The following DHX29 variants were observed in gnomAD, a reference collection of about 807,000 sequenced individuals.
The protein encoded by DHX29 is ATP-dependent RNA helicase DHX29.
DHX29 carries 79 observed loss-of-function variants against 167.9 expected under a neutral mutation model. That is an observed-to-expected ratio of 0.47 (90% CI 0.39 to 0.57). DHX29 has a LOEUF of 0.57. DHX29 is among the 20% of genes least tolerant of loss of function. The pLI, the probability that DHX29 is intolerant of heterozygous loss-of-function variation, is 0.00. For missense variants in DHX29, 1,347 were observed against 1,593.4 expected, an observed-to-expected ratio of 0.85 and a Z score of 2.63; for synonymous variants, 530 against 546.0, an observed-to-expected ratio of 0.97 and a Z score of 0.41.
At chr5:55,266,465 A>G (rs1298077021) in intron 23 of DHX29, among the ~76,000 whole-genome samples, 2 of 149,482 alleles carry the variant, frequency 1.3e-5, no homozygotes, top group African/African-American at 2.5e-5. Flanking sequence ...ATGCGCCACC[A>G]CACCTGGCTA....
intron 8 of DHX29, among the ~76,000 whole-genome samples, chr5:55,287,730 C>T (rs1303702101): frequency 6.6e-6 from 1 of 151,922 alleles, no homozygotes; most frequent in Admixed American, 6.6e-5. Flanking sequence ...GGGCAGATCA[C>T]CCGAAGTCAG....
chr5:55,274,693 A>C lies in DHX29; in HGVS notation c.2611T>G (p.Leu871Val). 6.3e-7 allele frequency: 1 copy of C among 1,599,550 alleles called. No individual in the cohort carries two copies. Among genetic ancestry groups the C allele is most frequent in the Non-Finnish European group, 8.5e-7 (1 of 1,175,506 alleles). ...PQFRNIEGAV[L>V]IFLPGLAHIQ... ...TGAGCAAGTCCTGGTAAAAAGATCA[A>C]TACTGCTCCTTCAATATTTCTGAAT... Residue 871 changes from leucine to valine, a missense_variant, in exon 16 of 27, where the codon TTG becomes GTG. Leu to Val is a conservative substitution (Grantham distance 32, BLOSUM62 1). Transcript: ENST00000251636.
chr5:55,298,166 AG>A (rs1397459430), intron 2 of DHX29, among the ~76,000 whole-genome samples: 1 of 152,182 alleles, frequency 6.6e-6, no homozygotes, highest in Non-Finnish European at 1.5e-5. Flanking sequence ...GAGGTCACAG[AG>A]GTGACAAATA....
At chr5:55,289,467 T>TA (rs1421952173) in intron 7 of DHX29, 39 bp from the exon 8 acceptor site, 7 of 1,437,008 alleles carry the variant, frequency 4.9e-6, no homozygotes, top group Non-Finnish European at 6.4e-6. Context: ...TTCATGGTTT[T>TA]AAAAAAATTG....
chr5:55,283,558 G>A lies in DHX29; in HGVS notation c.1610C>T (p.Ser537Phe). 6.2e-7 allele frequency: 1 copy of A among 1,614,160 alleles called. No homozygotes were observed. The highest frequency in any genetic ancestry group is 8.5e-7 in the Non-Finnish European group (1 of 1,180,026). Residue 537 changes from serine (S) to phenylalanine (F), a missense_variant, in exon 11 of 27, where the codon TCC (serine) becomes TTC (phenylalanine). By Grantham distance (155) the Ser-to-Phe change is radical. Around this residue, in one of 3 missense-constraint regions of DHX29, gnomAD observed 882 missense variants for 1,082.4 expected, o/e 0.81. Transcript: ENST00000251636. ...ATCTTCCACATTTGCTGATTCCAAG[G>A]ACAGTGCAGAAAAATCCTCATCCGA... The part of the protein sequence containing the change: ...LVSDEDFSAL[S>F]LESANVEDLE...
chr5:55,278,248 G>A (rs1423915570), intron 12 of DHX29, among the ~76,000 whole-genome samples: 3 of 152,128 alleles, frequency 2.0e-5, no homozygotes, highest in African/African-American at 7.2e-5. Flanking sequence ...ACAGATTTAA[G>A]GTAGCACAAA....
chr5:55,269,464 C>G lies in DHX29; in HGVS notation c.3243G>C (p.Lys1081Asn). ...QHLAALPVNVKIGKMLIFGAI... is the reference protein window; with the variant it reads ...QHLAALPVNVNIGKMLIFGAI... ...CACCAAAAATAAGCATCTTGCCAAT[C>G]TTGACATTCACAGGTAAAGCTGCAA... The change falls in exon 21 of 27, where the codon AAG (lysine) becomes AAC (asparagine). Residue 1081 changes from lysine to asparagine, a missense_variant. Lys to Asn is a moderately conservative substitution (Grantham distance 94). Transcript: ENST00000251636. 6 of 1,613,798 alleles carry G rather than the reference C, an allele frequency of 3.7e-6. No individual in the cohort carries two copies. Among genetic ancestry groups the G allele is most frequent in the Non-Finnish European group, 5.1e-6 (6 of 1,180,004 alleles).
intron 23 of DHX29, among the ~76,000 whole-genome samples, chr5:55,265,018 A>G (rs1379329658): frequency 6.6e-6 from 1 of 152,008 alleles, no homozygotes; most frequent in Non-Finnish European, 1.5e-5. Flanking sequence ...AAATTTTGTA[A>G]TGGATGAATC....
chr5:55,277,367 A>G, intron 12 of DHX29, 85 bp from the exon 13 acceptor site: 1 of 877,644 alleles, frequency 1.1e-6, no homozygotes, highest in Non-Finnish European at 1.7e-6. Context: ...ACCCAGATTT[A>G]CTAAAAGTTA....
At position 55,274,859 on chromosome 5, in the gene DHX29, A is replaced by C; in HGVS notation, c.2572+7T>G. ...CAAATGGAGACCCATTAGAAATAGA[A>C]ATATACCTAAGTATGCAAGAAGTTC... On this transcript the variant is annotated splice_region_variant and intron_variant, in intron 15 of 26. Transcript: ENST00000251636. 1 of 1,610,718 alleles carries C rather than the reference A, an allele frequency of 6.2e-7. No homozygotes were observed. The highest frequency in any genetic ancestry group is 8.5e-7 in the Non-Finnish European group (1 of 1,178,972).
chr5:55,274,799 A>C, intron 15 of DHX29, 67 bp downstream of exon 15: 1 of 1,563,760 alleles, frequency 6.4e-7, no homozygotes, highest in East Asian at 2.3e-5. Context: ...AATATTAATA[A>C]AACATCTCCA....
At chr5:55,295,010 C>T (rs1359208889) in intron 5 of DHX29, 2 of 168,352 alleles carry the variant, frequency 1.2e-5, no homozygotes, top group African/African-American at 4.8e-5. Context: ...GTGAGGAAAC[C>T]CAAGCTAGTC....
intron 26 of DHX29, 119 bp from the exon 27 acceptor site, chr5:55,256,659 T>A: frequency 1.4e-6 from 1 of 728,368 alleles, no homozygotes; most frequent in Non-Finnish European, 2.1e-6. Context: ...AATACAGAAT[T>A]AACACCAGTA....
chr5:55,283,215 T>C lies in DHX29; in HGVS notation c.1953A>G (p.Gly651=). The C allele has an allele frequency of 6.3e-7, 1 of 1,587,136 alleles. No individual in the cohort carries two copies. Among genetic ancestry groups the C allele is most frequent in the Non-Finnish European group, 8.6e-7 (1 of 1,163,588 alleles). ...RVCDELGCEN[G]PGGRNSLCGY... ...AATGACAGCTTACCCTTCCTCCAGG[T>C]CCATTTTCACAGCCCAATTCATCAC... Residue 651 remains glycine (G), a synonymous_variant, in exon 11 of 27, where the codon GGA becomes GGG. Transcript: ENST00000251636.
chr5:55,261,393 G>T lies in DHX29; in HGVS notation c.3935C>A (p.Ser1312Tyr). Reference sequence around the variant, plus strand: ...CTGAAAATAGATCCAGCCATCAATAGAAAGAAGACGTTCTCGGTGCTGAAC... The same window carrying T: ...CTGAAAATAGATCCAGCCATCAATATAAAGAAGACGTTCTCGGTGCTGAAC... ...IEVQHRERLL[S>Y]IDGWIYFQAP... Residue 1312 changes from serine to tyrosine, a missense_variant, in exon 25 of 27, where the codon TCT becomes TAT. This residue lies in a region of DHX29 where 882 missense variants were observed against 1,082.4 expected (regional missense o/e 0.81). Transcript: ENST00000251636. 6.3e-7 allele frequency: 1 copy of T among 1,580,982 alleles called. No homozygotes were observed. The highest frequency in any genetic ancestry group is 8.7e-7 in the Non-Finnish European group (1 of 1,153,814).
intron 24 of DHX29, 68 bp from the exon 25 acceptor site, chr5:55,261,567 C>T: frequency 1.0e-6 from 1 of 958,406 alleles, no homozygotes; most frequent in Non-Finnish European, 1.6e-6. Flanking sequence ...TTATCTTTTT[C>T]AAGTAAGCAT....
intron 13 of DHX29, 87 bp from the exon 14 acceptor site, chr5:55,276,493 G>T: frequency 9.9e-7 from 1 of 1,013,970 alleles, no homozygotes; most frequent in Non-Finnish European, 1.4e-6. Context: ...ACCACCTTTT[G>T]AATGTCACCA....
rs775288001 is a variant in DHX29, at chr5:55,267,119, G to A, written c.3525+19C>T. 3 of 1,498,708 alleles carry A rather than the reference G, an allele frequency of 2.0e-6. No homozygotes were observed. The South Asian group carries it at 3.6e-5, about 18-fold the overall frequency. The allele number at this position is 1,498,708 out of a possible 1,614,324, so 92.8% of individuals were successfully genotyped here. ...TAGTTACCCATGACTCTGAGTGAGA[G>A]ATCCATATTAAGAATTACCTCTAGG... On this transcript the variant is annotated intron_variant, in intron 23 of 26. Coordinates refer to ENST00000251636, the MANE Select transcript of DHX29 (RefSeq NM_019030.4).
At position 55,272,096 on chromosome 5, in the gene DHX29, T is replaced by C; in HGVS notation, c.2855A>G (p.Lys952Arg). ...VVFVIDTGRT[K>R]ENKYHESSQM... ...GGAAATTTAAACTTACTTATTTTCT[T>C]TTGTTCTTCCAGTATCAATTACAAA... is the stretch of plus-strand genomic sequence containing the variant. Residue 952 changes from lysine (K) to arginine (R), a missense_variant, in exon 18 of 27, where the codon AAA becomes AGA. By Grantham distance (26) the Lys-to-Arg change is conservative. Transcript: ENST00000251636. 6.4e-7 allele frequency: 1 copy of C among 1,566,512 alleles called. No individual in the cohort carries two copies. Among genetic ancestry groups the C allele is most frequent in the Non-Finnish European group, 8.7e-7 (1 of 1,149,898 alleles).
Sources: gnomAD v4.1 joint callset for allele counts (sites outside exome capture counted in the v4.1 genomes callset) on GRCh38, gnomAD v4.1.1 for gene constraint, gnomAD v4.1.1 regional missense constraint, MANE v1.5 for transcripts, NCBI Gene and HGNC (gene_info 2026-07-23, HGNC 2026-07-21) for gene names.